Variants in XRCC4 observed in about 807,000 individuals in gnomAD.
XRCC4 encodes X-ray repair cross complementing 4.
XRCC4 carries 28 observed loss-of-function variants against 39.1 expected under a neutral mutation model. The observed-to-expected ratio is 0.72, with a 90% CI of 0.53 to 0.98. The LOEUF is 0.98. Among genes scored for constraint, XRCC4 ranks in the 50% least tolerant of loss-of-function variants. XRCC4 has a pLI of 0.00. For synonymous variants in XRCC4, 123 were observed against 126.4 expected, an observed-to-expected ratio of 0.97 and a Z score of 0.18; for missense variants, 350 against 376.4, an observed-to-expected ratio of 0.93 and a Z score of 0.58.
chr5:83,133,803 C>G (rs1747733410), intron 3 of XRCC4, among the ~76,000 whole-genome samples: 2 of 69,742 alleles, frequency 2.9e-5, no homozygotes, highest in South Asian at 1.0e-3. Flanking sequence ...GCAAGCAGCC[C>G]TTGCTTGCTC....
chr5:83,364,152 T>A, the XRCC4 span, among the ~76,000 whole-genome samples: 2 of 152,154 alleles, frequency 1.3e-5, no homozygotes, highest in Non-Finnish European at 2.9e-5. Flanking sequence ...GGGATTTTGA[T>A]CCCAGGACAA....
At chr5:83,232,908 C>T (rs1009727009) in intron 6 of XRCC4, among the ~76,000 whole-genome samples, 14 of 152,066 alleles carry the variant, frequency 9.2e-5, no homozygotes, top group Non-Finnish European at 1.8e-4. Context: ...TTAAGTAATT[C>T]GTGCAAGGTT....
chr5:83,278,419 TG>T (rs983551014), intron 7 of XRCC4, among the ~76,000 whole-genome samples: 19 of 152,314 alleles, frequency 1.2e-4, no homozygotes, highest in African/African-American at 4.1e-4. Context: ...CACCACAGTC[TG>T]GGTCATTTAT....
chr5:83,168,746 TG>T (rs1190375603), intron 3 of XRCC4, among the ~76,000 whole-genome samples: 1 of 152,122 alleles, frequency 6.6e-6, no homozygotes, highest in Non-Finnish European at 1.5e-5. Flanking sequence ...AGAAAATTAA[TG>T]GGCCAAAGAA....
chr5:83,102,370 C>G (rs1350733413), intron 1 of XRCC4, among the ~76,000 whole-genome samples: 2 of 152,028 alleles, frequency 1.3e-5, no homozygotes, highest in Non-Finnish European at 2.9e-5. Flanking sequence ...TGTATGGACC[C>G]TACTGGTATT....
intron 1 of XRCC4, among the ~76,000 whole-genome samples, chr5:83,090,596 A>T (rs895638676): frequency 3.3e-5 from 5 of 152,110 alleles, no homozygotes; most frequent in African/African-American, 1.2e-4. Flanking sequence ...GGTGCATGGG[A>T]GGAATGGAGG....
At chr5:83,343,632 C>A (rs961604495) in intron 7 of XRCC4, among the ~76,000 whole-genome samples, 2 of 152,140 alleles carry the variant, frequency 1.3e-5, no homozygotes, top group African/African-American at 4.8e-5. Context: ...AACACTCCTC[C>A]CTGGTTTTAC....
chr5:83,306,209 T>TAA (rs1323068904), intron 7 of XRCC4, among the ~76,000 whole-genome samples: 1 of 151,290 alleles, frequency 6.6e-6, no homozygotes, highest in East Asian at 1.9e-4. Context: ...ATCAGTACTT[T>TAA]TATATATATA....
rs1750781901 is a variant in XRCC4, at chr5:83,192,984, T to C, written c.316-2786T>C. On this transcript the variant is annotated intron_variant, in intron 3 of 7. Coordinates refer to ENST00000396027, the MANE Select transcript of XRCC4 (RefSeq NM_003401.5). ...TTTAAAAATTGACACAACAGTACGA[T>C]ATAGCTTTTGTGCTAATTTTCTGGC... is the stretch of plus-strand genomic sequence containing the variant. Among the ~76,000 whole-genome samples the C allele has an allele frequency of 3.3e-5, 5 of 152,334 alleles. No individual in the cohort carries two copies. The South Asian group carries it at 1.0e-3, about 32-fold the overall frequency.
chr5:83,205,777 A>G (rs28969553), intron 6 of XRCC4, among the ~76,000 whole-genome samples: 1,662 of 152,246 alleles, frequency 0.011, 17 homozygotes, highest in Non-Finnish European at 0.017. Flanking sequence ...CTAAAGAGAA[A>G]AATAAACCAG....
At chr5:83,343,817 T>C (rs1390484578) in intron 7 of XRCC4, among the ~76,000 whole-genome samples, 1 of 152,160 alleles carries the variant, frequency 6.6e-6, no homozygotes, top group Non-Finnish European at 1.5e-5. Flanking sequence ...TCTTGGTTCA[T>C]CTAGTCCAAA....
intron 7 of XRCC4, among the ~76,000 whole-genome samples, chr5:83,273,883 T>C (rs1229612699): frequency 3.9e-5 from 6 of 152,116 alleles, no homozygotes; most frequent in Non-Finnish European, 7.4e-5. Context: ...TTGCTTAGTA[T>C]TGTCTTGGCT....
intron 7 of XRCC4, among the ~76,000 whole-genome samples, chr5:83,321,610 G>A (rs2449622): frequency 6.6e-6 from 1 of 152,058 alleles, no homozygotes; most frequent in Non-Finnish European, 1.5e-5. Context: ...AGCATACTAT[G>A]AAGAACATGA....
At chr5:83,248,408 A>G (rs2112866996) in intron 6 of XRCC4, among the ~76,000 whole-genome samples, 1 of 152,312 alleles carries the variant, frequency 6.6e-6, no homozygotes, top group East Asian at 1.9e-4. Flanking sequence ...TCTAAGTAAG[A>G]AACTGTGGAA....
chr5:83,242,640 A>G (rs1056332071), intron 6 of XRCC4, among the ~76,000 whole-genome samples: 3 of 151,976 alleles, frequency 2.0e-5, no homozygotes, highest in African/African-American at 7.3e-5. Context: ...ATTATTATTG[A>G]ATGTAACCTT....
chr5:83,266,353 C>T (rs1201161175), intron 7 of XRCC4, among the ~76,000 whole-genome samples: 1 of 149,016 alleles, frequency 6.7e-6, no homozygotes, highest in Non-Finnish European at 1.5e-5. Context: ...AGTATTTGGT[C>T]CGTAGTAAAA....
chr5:83,254,194 G>C (rs1753438833), intron 6 of XRCC4, among the ~76,000 whole-genome samples: 1 of 151,026 alleles, frequency 6.6e-6, no homozygotes, highest in Non-Finnish European at 1.5e-5. Flanking sequence ...GAGAATTCTG[G>C]AGGTGGAATC....
intron 6 of XRCC4, among the ~76,000 whole-genome samples, chr5:83,245,372 AC>A: frequency 6.6e-6 from 1 of 152,206 alleles, no homozygotes; most frequent in African/African-American, 2.4e-5. Context: ...GAGTTATATG[AC>A]CTTATTGACC....
chr5:83,110,908 G>C, intron 2 of XRCC4, 120 bp from the exon 3 acceptor site: 1 of 956,616 alleles, frequency 1.0e-6, no homozygotes, highest in Non-Finnish European at 1.5e-6. Flanking sequence ...TATAGGGATT[G>C]ATTTTACTTG....
Sources: allele counts gnomAD v4.1 joint callset (sites outside exome capture counted in the v4.1 genomes callset), GRCh38; gene constraint gnomAD v4.1.1; transcripts MANE v1.5; gene names NCBI Gene and HGNC (gene_info 2026-07-23, HGNC 2026-07-21).